EIF4H: variants seen among roughly 807,000 people sequenced by gnomAD.
The protein encoded by EIF4H is eukaryotic translation initiation factor 4H.
EIF4H carries 8 observed loss-of-function variants against 30.6 expected under a neutral mutation model. That is an observed-to-expected ratio of 0.26 (90% CI 0.15 to 0.47). EIF4H has a LOEUF of 0.47. Ranked by LOEUF, EIF4H falls within the 20% of genes least tolerant of loss-of-function variation. The probability of loss-of-function intolerance (pLI) is 0.99; values close to 1 mark genes in which losing one functional copy is unlikely to be tolerated. For missense variants in EIF4H, 188 were observed against 339.5 expected (o/e 0.55, Z 3.51); for synonymous variants, 106 against 122.7 (o/e 0.86, Z 0.90).
chr7:74,181,213 C>T (rs1409891302), intron 1 of EIF4H, among the ~76,000 whole-genome samples: 6 of 152,184 alleles, frequency 3.9e-5, no homozygotes, highest in African/African-American at 1.4e-4. Context: ...ATTTCTGTTA[C>T]ATCTATCTTC....
chr7:74,189,881 T>C lies in EIF4H; in HGVS notation c.372T>C (p.Gly124=). 6.2e-7 allele frequency: 1 copy of C among 1,614,200 alleles called. No individual in the cohort carries two copies. Among genetic ancestry groups the C allele is most frequent in the Non-Finnish European group, 8.5e-7 (1 of 1,180,040 alleles). ...DIAEGRKQDK[G]GFGFRKGGPD... ...CAGAAGGCAGAAAACAAGATAAAGG[T>C]GGCTTTGGATTCAGAAAAGGTGGAC... The change falls in exon 4 of 7, where the codon GGT becomes GGC. Residue 124 remains glycine (G), a synonymous_variant. Coordinates refer to ENST00000265753, the MANE Select transcript of EIF4H (RefSeq NM_022170.2).
rs1801354419 is a variant in EIF4H, at chr7:74,196,453, C to T, written c.*1145C>T. The T allele has an allele frequency of 6.6e-6, 1 of 152,668 alleles. No individual in the cohort carries two copies. Among genetic ancestry groups the T allele is most frequent in the African/African-American group, 2.4e-5 (1 of 41,458 alleles). 9.5% of individuals were successfully genotyped at this position (152,668 alleles called of 1,614,324 possible). A position where few individuals can be genotyped will look rare whatever the true frequency, so the allele number is the denominator to read the frequency against. ...GACTGCAGCTGTCTAGGTCTGCGGCCACATCTTGGGGACACACTGGACTGT... is the reference window on the plus strand; with the variant it reads ...GACTGCAGCTGTCTAGGTCTGCGGCTACATCTTGGGGACACACTGGACTGT... On this transcript the variant is annotated 3_prime_UTR_variant, in exon 7 of 7. Coordinates refer to ENST00000265753, the MANE Select transcript of EIF4H (RefSeq NM_022170.2).
Position 74,195,421 on chromosome 7 carries a change from C to G in EIF4H, c.*113C>G, listed in dbSNP as rs561497484. ...CTCCTGCGCCTGCCATTGGCCTCCT[C>G]ACAGCGGAAACACAGCTTGTGAGTG... On this transcript the variant is annotated 3_prime_UTR_variant, in exon 7 of 7. Coordinates refer to ENST00000265753, the MANE Select transcript of EIF4H (RefSeq NM_022170.2). 1.6e-6 allele frequency: 2 copies of G among 1,264,658 alleles called. No individual in the cohort carries two copies. The highest frequency in any genetic ancestry group is 1.5e-5 in the African/African-American group (1 of 66,690). 78.3% of individuals were successfully genotyped at this position (1,264,658 alleles called of 1,614,324 possible). A position where few individuals can be genotyped will look rare whatever the true frequency, so the allele number is the denominator to read the frequency against.
At chr7:74,176,690 A>G (rs1434437638) in intron 1 of EIF4H, among the ~76,000 whole-genome samples, 14 of 152,234 alleles carry the variant, frequency 9.2e-5, no homozygotes, top group Admixed American at 7.9e-4. Flanking sequence ...GTTGTGTTTA[A>G]TAACCAGTGC....
chr7:74,192,780 C>T (rs1366795756), intron 5 of EIF4H, among the ~76,000 whole-genome samples: 7 of 146,016 alleles, frequency 4.8e-5, no homozygotes, highest in Non-Finnish European at 8.9e-5. Flanking sequence ...AGGGTTCAAG[C>T]GATTCTCCTG....
intron 2 of EIF4H, among the ~76,000 whole-genome samples, chr7:74,189,022 G>T (rs1554709540): frequency 1.3e-5 from 2 of 152,112 alleles, no homozygotes; most frequent in Admixed American, 1.3e-4. Flanking sequence ...AAGGACGCTG[G>T]GGGAGAGGGG....
At chr7:74,185,261 G>A (rs1801056469) in intron 1 of EIF4H, among the ~76,000 whole-genome samples, 1 of 152,124 alleles carries the variant, frequency 6.6e-6, no homozygotes, top group East Asian at 1.9e-4. Flanking sequence ...CCAAACTGTT[G>A]GGATTACAGG....
intron 5 of EIF4H, among the ~76,000 whole-genome samples, chr7:74,193,802 T>A (rs1584188602): frequency 2.0e-5 from 3 of 152,046 alleles, no homozygotes; most frequent in East Asian, 3.9e-4. Context: ...TTGTAGAGAG[T>A]GAGTCTCACT....
chr7:74,175,691 T>G (rs1243151673), intron 1 of EIF4H, among the ~76,000 whole-genome samples: 1 of 152,076 alleles, frequency 6.6e-6, no homozygotes, highest in African/African-American at 2.4e-5. Context: ...ACATCAAATT[T>G]GTTCTCAAGT....
chr7:74,174,382 A>G lies in EIF4H; in HGVS notation c.-2A>G, dbSNP rs1554707317. On this transcript the variant is annotated 5_prime_UTR_variant, in exon 1 of 7. Coordinates refer to ENST00000265753, the MANE Select transcript of EIF4H (RefSeq NM_022170.2). ...TGGTTCCTCTCGGAGCGGAGACGGC[A>G]AATGGCGGACTTCGACACCTACGAC... 7 of 1,457,576 alleles carry G rather than the reference A, an allele frequency of 4.8e-6. No homozygotes were observed. Among genetic ancestry groups the G allele is most frequent in the South Asian group, 2.7e-5 (2 of 73,114 alleles). The allele number at this position is 1,457,576 out of a possible 1,614,324, so 90.3% of individuals were successfully genotyped here. A position where few individuals can be genotyped will look rare whatever the true frequency, so the allele number is the denominator to read the frequency against.
intron 2 of EIF4H, among the ~76,000 whole-genome samples, chr7:74,189,390 G>C (rs1180265987): frequency 2.0e-5 from 3 of 152,220 alleles, no homozygotes; most frequent in Non-Finnish European, 4.4e-5. Flanking sequence ...CAGATGGCCT[G>C]AGAAAGGTTT....
At chr7:74,178,409 C>T (rs1800887090) in intron 1 of EIF4H, among the ~76,000 whole-genome samples, 1 of 151,866 alleles carries the variant, frequency 6.6e-6, no homozygotes, top group East Asian at 1.9e-4. Context: ...ACGGGTGTGG[C>T]GGCACATACC....
At chr7:74,174,841 C>G (rs1309506469) in intron 1 of EIF4H, among the ~76,000 whole-genome samples, 1 of 152,256 alleles carries the variant, frequency 6.6e-6, no homozygotes, top group African/African-American at 2.4e-5. Context: ...CGGTCCCGGC[C>G]TCTTTCGCGG....
At chr7:74,184,242 C>T (rs1248429920) in intron 1 of EIF4H, among the ~76,000 whole-genome samples, 1 of 152,190 alleles carries the variant, frequency 6.6e-6, no homozygotes, top group African/African-American at 2.4e-5. Flanking sequence ...CGTCATCTTA[C>T]TGGCATTCAC....
chr7:74,174,446 A>G lies in EIF4H; in HGVS notation c.59+4A>G. The G allele has an allele frequency of 1.4e-6, 2 of 1,427,678 alleles. No homozygotes were observed. Among genetic ancestry groups the G allele is most frequent in the Non-Finnish European group, 1.9e-6 (2 of 1,075,474 alleles). The allele number at this position is 1,427,678 out of a possible 1,614,324, so 88.4% of individuals were successfully genotyped here. Reference sequence around the variant, plus strand: ...GCAGCTTCGGCGGCGGCAGAGGGTGAGGCGGGCGTGCGCGGGCCCCGTCGG... The same window carrying G: ...GCAGCTTCGGCGGCGGCAGAGGGTGGGGCGGGCGTGCGCGGGCCCCGTCGG... On this transcript the variant is annotated splice_donor_region_variant and intron_variant, in intron 1 of 6. Coordinates refer to ENST00000265753, the MANE Select transcript of EIF4H (RefSeq NM_022170.2).
At chr7:74,180,221 C>CT (rs782116895) in intron 1 of EIF4H, among the ~76,000 whole-genome samples, 10 of 152,236 alleles carry the variant, frequency 6.6e-5, no homozygotes, top group Non-Finnish European at 1.3e-4. Context: ...AAATACTGTT[C>CT]TTTTACTTCA....
At chr7:74,187,553 A>G (rs1477495094) in intron 1 of EIF4H, 58 bp from the exon 2 acceptor site, 7 of 1,435,298 alleles carry the variant, frequency 4.9e-6, no homozygotes, top group Middle Eastern at 3.7e-4. Context: ...AGACCGCTTT[A>G]CTTGTTTTGC....
At chr7:74,189,798 A>T in intron 3 of EIF4H, 24 bp from the exon 4 acceptor site, 1 of 1,614,094 alleles carries the variant, frequency 6.2e-7, no homozygotes, top group Non-Finnish European at 8.5e-7. Context: ...GCCAATACTT[A>T]CACTATTTTC....
At chr7:74,182,917 A>G (rs573464897) in intron 1 of EIF4H, among the ~76,000 whole-genome samples, 1 of 152,262 alleles carries the variant, frequency 6.6e-6, no homozygotes, top group African/African-American at 2.4e-5. Flanking sequence ...TGTGCTGCAT[A>G]TCCTGGCTCC....
Sources: gnomAD v4.1 joint callset for allele counts (sites outside exome capture counted in the v4.1 genomes callset) on GRCh38, gnomAD v4.1.1 for gene constraint, MANE v1.5 for transcripts, NCBI Gene and HGNC (gene_info 2026-07-23, HGNC 2026-07-21) for gene names.